The following SCN9A variants were observed in gnomAD, a reference collection of about 807,000 sequenced individuals.
The protein encoded by SCN9A is sodium voltage-gated channel alpha subunit 9.
Under a neutral mutation model 187.0 loss-of-function variants are expected in SCN9A, and 131 were observed. The ratio of observed to expected loss-of-function variants is 0.70; its 90% CI spans 0.61 to 0.81. The LOEUF (loss-of-function observed/expected upper bound fraction) is 0.81, where lower values mean the gene tolerates loss of function less well. SCN9A is among the 30% of genes least tolerant of loss of function. The pLI, the probability that SCN9A is intolerant of heterozygous loss-of-function variation, is 0.00. For synonymous variants in SCN9A, 809 were observed against 808.6 expected (o/e 1.00, Z -0.01); for missense variants, 2,252 against 2,396.6 (o/e 0.94, Z 1.26).
At chr2:166,312,453 A>G (rs559321177) in intron 1 of SCN9A, among the ~76,000 whole-genome samples, 6 of 152,266 alleles carry the variant, frequency 3.9e-5, no homozygotes, top group Admixed American at 3.9e-4. Context: ...TAAACCTCTC[A>G]TAGTCATCCA....
At chr2:166,275,414 G>T (rs1697188471) in intron 16 of SCN9A, among the ~76,000 whole-genome samples, 1 of 151,818 alleles carries the variant, frequency 6.6e-6, no homozygotes, top group African/African-American at 2.4e-5. Context: ...ACGAAAACCT[G>T]TCTCTACTAA....
chr2:166,321,591 G>A (rs1252613996), intron 1 of SCN9A: 2 of 151,542 alleles, frequency 1.3e-5, no homozygotes, highest in Non-Finnish European at 1.5e-5. Flanking sequence ...TCTCTATTAT[G>A]TTCAATTAAA....
chr2:166,275,104 T>A (rs1697173163), intron 16 of SCN9A, among the ~76,000 whole-genome samples: 1 of 152,168 alleles, frequency 6.6e-6, no homozygotes, highest in Non-Finnish European at 1.5e-5. Flanking sequence ...ACCTTTCTTT[T>A]CACAGAGAAG....
chr2:166,302,941 A>C (rs1010984479), intron 7 of SCN9A, 149 bp downstream of exon 7: 13 of 647,062 alleles, frequency 2.0e-5, no homozygotes, highest in Admixed American at 9.2e-5. Flanking sequence ...AAAATCATAT[A>C]TAACATGACC....
chr2:166,324,241 C>T (rs4546021), intron 1 of SCN9A, among the ~76,000 whole-genome samples: 46,357 of 151,280 alleles, frequency 0.31, 9,556 homozygotes, highest in African/African-American at 0.59. Flanking sequence ...TGCAGTGAGC[C>T]GAGATCGCGC....
intron 21 of SCN9A, among the ~76,000 whole-genome samples, chr2:166,232,089 A>G (rs1263082971): frequency 1.3e-5 from 2 of 152,192 alleles, no homozygotes; most frequent in African/African-American, 4.8e-5. Context: ...GGGACAGGGC[A>G]GGGGAAGCAT....
intron 24 of SCN9A, among the ~76,000 whole-genome samples, chr2:166,213,490 A>AATAATAATAATG (rs1553476067): frequency 2.0e-5 from 3 of 147,578 alleles, no homozygotes; most frequent in South Asian, 2.1e-4. Flanking sequence ...TAATAATAAT[A>AATAATAATAATG]ATAATGATAA....
In SCN9A at chr2:166,305,906, C is replaced by T; in HGVS notation, c.482G>A (p.Gly161Glu). 2 of 1,612,748 alleles carry T rather than the reference C, an allele frequency of 1.2e-6. No individual in the cohort carries two copies. The highest frequency in any genetic ancestry group is 1.7e-6 in the Non-Finnish European group (2 of 1,179,278). ...WTKNVEYTFT[G>E]IYTFESLVKI... is the part of the protein sequence containing the mutation. Reference sequence around the variant, plus strand: ...TACAAGTGATTCAAAAGTATATATTCCAGTAAAAGTGTACCTAAACACAAG... The same window carrying T: ...TACAAGTGATTCAAAAGTATATATTTCAGTAAAAGTGTACCTAAACACAAG... Residue 161 changes from glycine (G) to glutamate (E), a missense_variant, in exon 5 of 27, where the codon GGA becomes GAA. Gly to Glu is a moderately conservative substitution (Grantham distance 98, BLOSUM62 -2). Transcript: ENST00000642356.
At chr2:166,244,776 T>C (rs1695714357) in intron 18 of SCN9A, among the ~76,000 whole-genome samples, 1 of 152,066 alleles carries the variant, frequency 6.6e-6, no homozygotes, top group East Asian at 1.9e-4. Flanking sequence ...AATCTCTTCT[T>C]AACTCTGCAT....
intron 1 of SCN9A, among the ~76,000 whole-genome samples, chr2:166,328,567 C>T (rs1275712975): frequency 6.6e-6 from 1 of 151,980 alleles, no homozygotes; most frequent in Non-Finnish European, 1.5e-5. Flanking sequence ...ACTTCTTTTT[C>T]TGAAAACTCA....
chr2:166,270,711 G>A (rs925915103), intron 17 of SCN9A, among the ~76,000 whole-genome samples: 4 of 150,500 alleles, frequency 2.7e-5, no homozygotes, highest in Non-Finnish European at 5.9e-5. Context: ...TGCAACCTCC[G>A]CCTCTGGAGC....
At chr2:166,279,719 G>C (rs1352805644) in intron 14 of SCN9A, among the ~76,000 whole-genome samples, 1 of 151,938 alleles carries the variant, frequency 6.6e-6, no homozygotes, top group Non-Finnish European at 1.5e-5. Flanking sequence ...TTAATTTATT[G>C]TGTATTTACT....
At chr2:166,272,170 A>C (rs759887954) in intron 17 of SCN9A, among the ~76,000 whole-genome samples, 15 of 152,028 alleles carry the variant, frequency 9.9e-5, no homozygotes, top group Admixed American at 7.9e-4. Context: ...GCTCAAAGAT[A>C]CCTTTGAGCT....
At chr2:166,219,157 G>A (rs117017121) in intron 24 of SCN9A, among the ~76,000 whole-genome samples, 4,510 of 152,146 alleles carry the variant, frequency 0.03, 484 homozygotes, top group Admixed American at 0.2. Context: ...AAGACTGTGT[G>A]GCAATTCCTC....
chr2:166,316,194 A>G (rs941917187), intron 1 of SCN9A, among the ~76,000 whole-genome samples: 2 of 152,214 alleles, frequency 1.3e-5, no homozygotes, highest in African/African-American at 4.8e-5. Flanking sequence ...ATTTAGTAAA[A>G]AACATAATTA....
chr2:166,357,756 A>T (rs887632820), intron 1 of SCN9A, among the ~76,000 whole-genome samples: 1 of 152,144 alleles, frequency 6.6e-6, no homozygotes, highest in Non-Finnish European at 1.5e-5. Flanking sequence ...TGTGCGCCAT[A>T]CTTGCACTTC....
In SCN9A at chr2:166,306,995, C is replaced by A. The variant is rs1429600298; in HGVS notation, c.338G>T (p.Ser113Ile). The A allele has an allele frequency of 6.2e-7, 1 of 1,609,564 alleles. No individual in the cohort carries two copies. Among genetic ancestry groups the A allele is most frequent in the Non-Finnish European group, 8.5e-7 (1 of 1,176,226 alleles). ...CTTAATAGATATTCTTCTTAGAGGA[C>A]TGAAAGGAGAAAGCATATATAAAGC... ...TPALYMLSPF[S>I]PLRRISIKIL... is the part of the protein sequence containing the mutation. Residue 113 changes from serine (S) to isoleucine (I), a missense_variant, in exon 3 of 27, where the codon AGT (serine) becomes ATT (isoleucine). Coordinates refer to ENST00000642356, the MANE Select transcript of SCN9A (RefSeq NM_001365536.1).
intron 17 of SCN9A, among the ~76,000 whole-genome samples, chr2:166,270,239 G>C (rs1372163774): frequency 6.6e-6 from 1 of 151,814 alleles, no homozygotes; most frequent in South Asian, 2.1e-4. Context: ...AATAAAAATA[G>C]TACAAATAAA....
At chr2:166,225,082 A>G (rs563425903) in intron 24 of SCN9A, among the ~76,000 whole-genome samples, 4 of 152,174 alleles carry the variant, frequency 2.6e-5, no homozygotes, top group South Asian at 2.1e-4. Context: ...ACGGCTTTTT[A>G]TATCTACTCT....
Sources: gnomAD v4.1 joint callset for allele counts (sites outside exome capture counted in the v4.1 genomes callset) on GRCh38, gnomAD v4.1.1 for gene constraint, MANE v1.5 for transcripts, NCBI Gene and HGNC (gene_info 2026-07-23, HGNC 2026-07-21) for gene names.